TNFAIP3: variants seen among roughly 807,000 people sequenced by gnomAD.
TNFAIP3 encodes TNF alpha induced protein 3.
Under a neutral mutation model 72.4 loss-of-function variants are expected in TNFAIP3, and 9 were observed. The ratio of observed to expected loss-of-function variants is 0.12; its 90% confidence interval spans 0.07 to 0.22. The LOEUF is 0.22. Ranked by LOEUF, TNFAIP3 falls within the 10% of genes least tolerant of loss-of-function variation. The pLI, the probability that TNFAIP3 is intolerant of heterozygous loss-of-function variation, is 1.00. For missense variants in TNFAIP3, 833 were observed against 1,018.7 expected (o/e 0.82, Z 2.48); for synonymous variants, 339 against 372.6 (o/e 0.91, Z 1.04).
At chr6:137,869,368 T>TGGATGGATGGAA (rs1775967555) in intron 1 of TNFAIP3, among the ~76,000 whole-genome samples, 1 of 142,262 alleles carries the variant, frequency 7.0e-6, no homozygotes, top group Non-Finnish European at 1.5e-5. Flanking sequence ...GATGGATGGA[T>TGGATGGATGGAA]GGATGGATGG....
chr6:137,880,884 T>C, intron 8 of TNFAIP3, 151 bp from the exon 9 acceptor site: 1 of 765,348 alleles, frequency 1.3e-6, no homozygotes. Flanking sequence ...CTCTGGCTCA[T>C]AGACTGCAAT....
chr6:137,870,348 C>G (rs1383530897), intron 1 of TNFAIP3, among the ~76,000 whole-genome samples: 2 of 152,146 alleles, frequency 1.3e-5, no homozygotes, highest in Admixed American at 1.3e-4. Flanking sequence ...GTCTCAAACT[C>G]CTGAGCTTAA....
intron 7 of TNFAIP3, 85 bp downstream of exon 7, chr6:137,879,436 T>C: frequency 6.9e-7 from 1 of 1,455,644 alleles, no homozygotes; most frequent in South Asian, 1.4e-5. Context: ...AAAGCCCATG[T>C]AGGCAGTCAG....
rs755138189 is a variant in TNFAIP3, at chr6:137,878,761, G to A, written c.1316G>A (p.Arg439Gln). 6.2e-6 allele frequency: 10 copies of A among 1,613,928 alleles called. No homozygotes were observed. Among genetic ancestry groups the A allele is most frequent in the Admixed American group, 1.7e-5 (1 of 60,006 alleles). ...GLPGMALGAS[R>Q]GEAYEPLAWN... ...CCTGGCATGGCGCTCGGGGCCTCTC[G>A]GGGAGAAGCCTATGAGCCCTTGGCG... is the stretch of plus-strand genomic sequence containing the variant. Residue 439 changes from arginine (R) to glutamine (Q), a missense_variant, in exon 7 of 9, where the codon CGG becomes CAG. Around this residue, in one of 2 missense-constraint regions of TNFAIP3, gnomAD observed 587 missense variants for 657.8 expected, o/e 0.89. Transcript: ENST00000612899.
At position 137,874,695 on chromosome 6, in the gene TNFAIP3, A is replaced by G; in HGVS notation, c.296-150A>G. 3 of 643,590 alleles carry G rather than the reference A, an allele frequency of 4.7e-6. No individual in the cohort carries two copies. The South Asian group carries it at 8.3e-5, about 18-fold the overall frequency. 39.9% of individuals were successfully genotyped at this position (643,590 alleles called of 1,614,324 possible). A position where few individuals can be genotyped will look rare whatever the true frequency, so the allele number is the denominator to read the frequency against. Reference sequence around the variant, plus strand: ...TAAAGCTGTCATCATCTTGTGAAATATCAGTTTGCCCTTGACTAGGAAATT... The same window carrying G: ...TAAAGCTGTCATCATCTTGTGAAATGTCAGTTTGCCCTTGACTAGGAAATT... On this transcript the variant is annotated intron_variant, in intron 2 of 8. Coordinates refer to ENST00000612899, the MANE Select transcript of TNFAIP3 (RefSeq NM_001270508.2).
rs1776177544 is a variant in TNFAIP3, at chr6:137,874,741, G to A, written c.296-104G>A. 3 of 1,102,806 alleles carry A rather than the reference G, an allele frequency of 2.7e-6. No individual in the cohort carries two copies. The African/African-American group carries it at 4.8e-5, about 18-fold the overall frequency. The allele number at this position is 1,102,806 out of a possible 1,614,324, so 68.3% of individuals were successfully genotyped here. The stretch of plus-strand genomic sequence containing the variant: ...AAATTACATCAAATTAAACCATTCA[G>A]TCCCCTAGAATAGCAGTAGGGCTGG... On this transcript the variant is annotated intron_variant, in intron 2 of 8. Transcript: ENST00000612899.
At position 137,881,849 on chromosome 6, in the gene TNFAIP3, G is replaced by A. The variant is rs551860628; in HGVS notation, c.*530G>A. The A allele has an allele frequency of 1.6e-4, 38 of 232,942 alleles. No individual in the cohort carries two copies. In the South Asian group the frequency reaches 6.0e-3, roughly 37 times the overall value. 14.4% of individuals were successfully genotyped at this position (232,942 alleles called of 1,614,324 possible). ...AAATGGACGTATTCAGAGAGTGTTT[G>A]TAGTTCATGGTTTTTCCCTACCTGC... On this transcript the variant is annotated 3_prime_UTR_variant, in exon 9 of 9. Transcript: ENST00000612899. This position sits in a 1 kb window ranked among gnomAD's most constrained non-coding sequence, Gnocchi z 5.0.
At position 137,871,097 on chromosome 6, in the gene TNFAIP3, C is replaced by T. The variant is rs938504446; in HGVS notation, c.-15-116C>T. ...GAGTAGAGGTGCTAAGATCTTTTGC[C>T]TACAGATCAGGGTAATGACAAGATC... On this transcript the variant is annotated intron_variant, in intron 1 of 8. Coordinates refer to ENST00000612899, the MANE Select transcript of TNFAIP3 (RefSeq NM_001270508.2). This position sits in a 1 kb window ranked among gnomAD's most constrained non-coding sequence, Gnocchi z 4.2. 1.9e-5 allele frequency: 18 copies of T among 940,574 alleles called. No individual in the cohort carries two copies. The highest frequency in any genetic ancestry group is 2.7e-5 in the Non-Finnish European group (17 of 640,968). 58.3% of individuals were successfully genotyped at this position (940,574 alleles called of 1,614,324 possible).
In TNFAIP3 at chr6:137,879,117, T is replaced by C; in HGVS notation, c.1672T>C (p.Ser558Pro). Residue 558 changes from serine to proline, a missense_variant, in exon 7 of 9, where the codon TCC (serine) becomes CCC (proline). By Grantham distance (74) the Ser-to-Pro change is moderately conservative. Coordinates refer to ENST00000612899, the MANE Select transcript of TNFAIP3 (RefSeq NM_001270508.2). ...CAGCCTCAGCACCAGCCTCCCTCCTTCCTGTCACCAGCGTTCCAAGTCAGA... is the reference window on the plus strand; with the variant it reads ...CAGCCTCAGCACCAGCCTCCCTCCTCCCTGTCACCAGCGTTCCAAGTCAGA... ...SSSLSTSLPP[S>P]CHQRSKSDPS... The C allele has an allele frequency of 6.2e-7, 1 of 1,614,080 alleles. No homozygotes were observed. The highest frequency in any genetic ancestry group is 8.5e-7 in the Non-Finnish European group (1 of 1,180,016).
Position 137,878,747 on chromosome 6 carries a change from G to T in TNFAIP3, c.1302G>T (p.Ala434=). The change falls in exon 7 of 9, where the codon GCG becomes GCT. Residue 434 remains alanine, a synonymous_variant. Coordinates refer to ENST00000612899, the MANE Select transcript of TNFAIP3 (RefSeq NM_001270508.2). ...GCCCTGAGGGGCTCCCTGGCATGGC[G>T]CTCGGGGCCTCTCGGGGAGAAGCCT... ...KPGPEGLPGM[A]LGASRGEAYE... is the part of the protein sequence containing the mutation. 1 of 1,614,046 alleles carries T rather than the reference G, an allele frequency of 6.2e-7. No individual in the cohort carries two copies. The highest frequency in any genetic ancestry group is 1.7e-4 in the Middle Eastern group (1 of 6,060).
chr6:137,867,988 T>A lies in TNFAIP3; in HGVS notation c.-16+446T>A, dbSNP rs775655846. 3.3e-5 allele frequency: 5 copies of A among 152,620 alleles called. No homozygotes were observed. The highest frequency in any genetic ancestry group is 7.3e-5 in the Non-Finnish European group (5 of 68,306). The allele number at this position is 152,620 out of a possible 1,614,324, so 9.5% of individuals were successfully genotyped here. Reference sequence around the variant, plus strand: ...CCCGACGGGGCGTAGGGTACCGCAGTGGCCGCCAGCCCGGCGGAGGTGGGG... The same window carrying A: ...CCCGACGGGGCGTAGGGTACCGCAGAGGCCGCCAGCCCGGCGGAGGTGGGG... On this transcript the variant is annotated intron_variant, in intron 1 of 8. Coordinates refer to ENST00000612899, the MANE Select transcript of TNFAIP3 (RefSeq NM_001270508.2). This position sits in a 1 kb window ranked among gnomAD's most constrained non-coding sequence, Gnocchi z 6.0.
At chr6:137,872,753 T>C (rs1330875708) in intron 2 of TNFAIP3, among the ~76,000 whole-genome samples, 1 of 152,212 alleles carries the variant, frequency 6.6e-6, no homozygotes, top group African/African-American at 2.4e-5. Context: ...AGGTAGGTAA[T>C]TATGTGAAGT....
chr6:137,869,396 C>CGGAT (rs1554223864), intron 1 of TNFAIP3, among the ~76,000 whole-genome samples: 7 of 138,894 alleles, frequency 5.0e-5, no homozygotes, highest in African/African-American at 1.9e-4. Context: ...GACGGACGGA[C>CGGAT]GGATAGATGA....
chr6:137,878,234 T>C (rs541339831), intron 6 of TNFAIP3, among the ~76,000 whole-genome samples, 198 bp from the exon 7 acceptor site: 29 of 152,384 alleles, frequency 1.9e-4, no homozygotes, highest in African/African-American at 6.7e-4. Context: ...CATTCTTGAC[T>C]CGAACATGTT....
At chr6:137,868,267 G>C (rs899370315) in intron 1 of TNFAIP3, 3 of 152,346 alleles carry the variant, frequency 2.0e-5, no homozygotes, top group Non-Finnish European at 4.4e-5. Flanking sequence ...AACTCTTTTT[G>C]AGCCCGCTTT....
chr6:137,873,372 C>A (rs1324114672), intron 2 of TNFAIP3, among the ~76,000 whole-genome samples: 1 of 152,174 alleles, frequency 6.6e-6, no homozygotes, highest in Non-Finnish European at 1.5e-5. Flanking sequence ...ATTGAAACTT[C>A]ATGTGAAAAA....
chr6:137,875,171 G>C, intron 3 of TNFAIP3, 136 bp downstream of exon 3: 1 of 980,944 alleles, frequency 1.0e-6, no homozygotes, highest in Non-Finnish European at 1.5e-6. Context: ...ATACTCAATG[G>C]AAAACACCAG....
intron 2 of TNFAIP3, among the ~76,000 whole-genome samples, chr6:137,874,406 G>T (rs993637348): frequency 1.3e-5 from 2 of 152,184 alleles, no homozygotes; most frequent in Non-Finnish European, 2.9e-5. Flanking sequence ...ATGTTGCCCT[G>T]TGTGCTCCTC....
upstream of TNFAIP3, chr6:137,866,770 T>C (rs1485917910): frequency 6.6e-6 from 1 of 152,356 alleles, no homozygotes; most frequent in Non-Finnish European, 1.5e-5. Context: ...GCCCAAACTT[T>C]TCAGAGCCGG....
Sources: allele counts gnomAD v4.1 joint callset (sites outside exome capture counted in the v4.1 genomes callset), GRCh38; gene constraint gnomAD v4.1.1; regional missense constraint gnomAD v4.1.1; non-coding constraint Gnocchi (gnomAD v3.1); transcripts MANE v1.5; gene names NCBI Gene and HGNC (gene_info 2026-07-23, HGNC 2026-07-21).